The following BAZ1A variants were observed in gnomAD, a reference collection of about 807,000 sequenced individuals.
The protein encoded by BAZ1A is bromodomain adjacent to zinc finger domain protein 1A.
A neutral mutation model predicts 185.2 loss-of-function variants in BAZ1A; 50 were observed. The ratio of observed to expected loss-of-function variants is 0.27; its 90% confidence interval spans 0.22 to 0.34. The LOEUF is 0.34. Among genes scored for constraint, BAZ1A ranks in the 10% least tolerant of loss-of-function variants. The pLI is 1.00. For missense variants in BAZ1A, 1,356 were observed against 1,839.9 expected, an observed-to-expected ratio of 0.74 and a Z score of 4.81; for synonymous variants, 571 against 615.6, an observed-to-expected ratio of 0.93 and a Z score of 1.07.
At chr14:34,791,022 T>C (rs966557476) in intron 12 of BAZ1A, among the ~76,000 whole-genome samples, 6 of 152,048 alleles carry the variant, frequency 3.9e-5, no homozygotes, top group Non-Finnish European at 5.9e-5. Context: ...CTCAGGAGGC[T>C]GAGACAGGAG....
At chr14:34,840,750 C>T (rs929382333) in intron 3 of BAZ1A, among the ~76,000 whole-genome samples, 2 of 146,666 alleles carry the variant, frequency 1.4e-5, no homozygotes, top group Admixed American at 1.4e-4. Context: ...GAGTGAGACT[C>T]TGTCTCCCCC....
intron 23 of BAZ1A, among the ~76,000 whole-genome samples, chr14:34,764,352 C>T (rs61981204): frequency 0.22 from 29,636 of 136,636 alleles, 3,286 homozygotes; most frequent in Non-Finnish European, 0.25. Context: ...AGTGCAATGG[C>T]GTGATCCGTT....
chr14:34,836,862 GAA>G (rs1432884540), intron 3 of BAZ1A, among the ~76,000 whole-genome samples: 1 of 151,972 alleles, frequency 6.6e-6, no homozygotes, highest in Non-Finnish European at 1.5e-5. Flanking sequence ...GAGAAAAAAG[GAA>G]AAGATTGCTT....
intron 3 of BAZ1A, among the ~76,000 whole-genome samples, chr14:34,845,721 C>T (rs527347734): frequency 4.6e-5 from 7 of 151,928 alleles, no homozygotes; most frequent in African/African-American, 7.2e-5. Flanking sequence ...ATTAGCAGGG[C>T]GTGGTGGCGT....
At position 34,874,129 on chromosome 14, in the gene BAZ1A, G is replaced by A. The variant is rs997453024; in HGVS notation, c.113+363C>T. ...CCTCGGCCGCCGGGAGGGGATCCCG[G>A]AACTGGCCCCGGAGTGCGCGTGTGG... On this transcript the variant is annotated intron_variant, in intron 2 of 26. Transcript: ENST00000360310. The surrounding 1 kb of genome is among the most constrained non-coding windows in gnomAD (Gnocchi z 4.7). Among the ~76,000 whole-genome samples the A allele has an allele frequency of 1.1e-4, 16 of 152,050 alleles. No individual in the cohort carries two copies. The South Asian group carries it at 3.1e-3, about 30-fold the overall frequency.
chr14:34,848,294 A>G (rs2042545781), intron 3 of BAZ1A, among the ~76,000 whole-genome samples: 2 of 152,296 alleles, frequency 1.3e-5, no homozygotes, highest in South Asian at 2.1e-4. Context: ...GCCTAAATTG[A>G]TATCAGCTTA....
intron 3 of BAZ1A, among the ~76,000 whole-genome samples, chr14:34,844,775 GCGCA>G (rs1555344285): frequency 0.014 from 1,959 of 135,562 alleles, 21 homozygotes; most frequent in African/African-American, 0.033. Flanking sequence ...ACACACACAC[GCGCA>G]CACACACACA....
At chr14:34,768,463 A>G (rs1001949744) in intron 21 of BAZ1A, among the ~76,000 whole-genome samples, 1 of 152,174 alleles carries the variant, frequency 6.6e-6, no homozygotes, top group Non-Finnish European at 1.5e-5. Flanking sequence ...TCAACTTTCT[A>G]TATGCCAATT....
intron 3 of BAZ1A, among the ~76,000 whole-genome samples, chr14:34,830,246 C>T (rs757750079): frequency 3.3e-5 from 5 of 151,774 alleles, no homozygotes; most frequent in Non-Finnish European, 7.4e-5. Flanking sequence ...TCCAAATATC[C>T]ATCAACTGAT....
intron 12 of BAZ1A, among the ~76,000 whole-genome samples, chr14:34,789,668 T>G (rs1211169189): frequency 6.6e-6 from 1 of 152,172 alleles, no homozygotes; most frequent in Admixed American, 6.5e-5. Flanking sequence ...GATATAAGAC[T>G]AAAGAGAGGA....
At chr14:34,774,936 G>C (rs1000575009) in intron 18 of BAZ1A, among the ~76,000 whole-genome samples, 6 of 152,288 alleles carry the variant, frequency 3.9e-5, no homozygotes, top group Non-Finnish European at 1.5e-5. Context: ...CAACATTGGC[G>C]GGGGGTAGTG....
chr14:34,822,927 A>G (rs2042109230), intron 4 of BAZ1A, among the ~76,000 whole-genome samples: 2 of 152,354 alleles, frequency 1.3e-5, no homozygotes, highest in South Asian at 4.1e-4. Flanking sequence ...ATATGCAGGT[A>G]GCTCATGTTC....
Position 34,793,729 on chromosome 14 carries a change from G to C in BAZ1A, c.1364-808C>G, listed in dbSNP as rs538169707. Among the ~76,000 whole-genome samples the C allele has an allele frequency of 8.5e-5, 13 of 152,350 alleles. No homozygotes were observed. In the East Asian group the frequency reaches 9.6e-4, roughly 11 times the overall value. ...GGAGGCCGAGGCGGGCAGATCACAAGGTCAGGAGTTCAAGACTAGCCTGGC... is the reference window on the plus strand; with the variant it reads ...GGAGGCCGAGGCGGGCAGATCACAACGTCAGGAGTTCAAGACTAGCCTGGC... On this transcript the variant is annotated intron_variant, in intron 11 of 26. Coordinates refer to ENST00000360310, the MANE Select transcript of BAZ1A (RefSeq NM_013448.3).
intron 2 of BAZ1A, among the ~76,000 whole-genome samples, chr14:34,872,296 T>A (rs2042960786): frequency 6.6e-6 from 1 of 152,192 alleles, no homozygotes; most frequent in Admixed American, 6.5e-5. Flanking sequence ...TACAATTCCT[T>A]AATATTAATG....
intron 17 of BAZ1A, among the ~76,000 whole-genome samples, chr14:34,778,604 A>G (rs1483960066): frequency 1.3e-5 from 2 of 152,204 alleles, no homozygotes; most frequent in African/African-American, 4.8e-5. Flanking sequence ...ACATTAACAA[A>G]TTTCTTCACA....
At chr14:34,779,237 T>G (rs564710749) in intron 17 of BAZ1A, among the ~76,000 whole-genome samples, 29 of 152,310 alleles carry the variant, frequency 1.9e-4, no homozygotes, top group Admixed American at 1.8e-3. Flanking sequence ...CCCCACCATC[T>G]TCTTAAATAA....
intron 6 of BAZ1A, among the ~76,000 whole-genome samples, chr14:34,804,841 T>C (rs1393802381): frequency 6.6e-6 from 1 of 152,224 alleles, no homozygotes; most frequent in African/African-American, 2.4e-5. Context: ...CACATCTTTG[T>C]GTACTTGTAG....
chr14:34,826,368 A>G (rs985427352), intron 3 of BAZ1A, among the ~76,000 whole-genome samples: 2 of 152,236 alleles, frequency 1.3e-5, no homozygotes, highest in Non-Finnish European at 2.9e-5. Flanking sequence ...AACTCAATTT[A>G]TCAAGATTAT....
intron 6 of BAZ1A, among the ~76,000 whole-genome samples, 153 bp downstream of exon 6, chr14:34,807,298 C>A (rs1213362948): frequency 6.6e-6 from 1 of 151,676 alleles, no homozygotes; most frequent in Non-Finnish European, 1.5e-5. Flanking sequence ...AGTAATTAAT[C>A]CAATATTTTT....
Sources: gnomAD v4.1 joint callset for allele counts (sites outside exome capture counted in the v4.1 genomes callset) on GRCh38, gnomAD v4.1.1 for gene constraint, Gnocchi (gnomAD v3.1) non-coding constraint, MANE v1.5 for transcripts, NCBI Gene and HGNC (gene_info 2026-07-23, HGNC 2026-07-21) for gene names.